The following NFILZ variants were observed in gnomAD, a reference collection of about 807,000 sequenced individuals.
NFILZ encodes NFIL3 like basic leucine zipper, also known as NFIL3 like protein.
chr19:8,646,427 G>T lies in NFILZ; in HGVS notation c.-164+10681G>T, dbSNP rs1189898260. ...CAATTTGTCCAAGGCCACACAGCTG[G>T]CGTGGCCAGAACCAGGATTCCTGGA... On this transcript the variant is annotated intron_variant, in intron 3 of 5. Coordinates refer to ENST00000691075, the MANE Select transcript of NFILZ (RefSeq NM_001378600.1). 2.0e-5 allele frequency among the ~76,000 whole-genome samples: 3 copies of T among 152,190 alleles called. No individual in the cohort carries two copies. In the South Asian group the frequency reaches 6.2e-4, roughly 32 times the overall value.
chr19:8,663,722 T>TGCA (rs2043044422), intron 3 of NFILZ, among the ~76,000 whole-genome samples: 7 of 10,814 alleles, frequency 6.5e-4, no homozygotes, highest in South Asian at 6.6e-3. Context: ...GTGTGTGTGT[T>TGCA]TGTGTGTGTG....
intron 3 of NFILZ, among the ~76,000 whole-genome samples, chr19:8,654,839 C>G (rs1315382129): frequency 6.6e-6 from 1 of 152,170 alleles, no homozygotes; most frequent in Non-Finnish European, 1.5e-5. Flanking sequence ...CTTTTCCAAT[C>G]TGCAGCGTGG....
rs539750800 is a variant in NFILZ at position 8,631,134 on chromosome 19, G to A, written c.-411+390G>A. On this transcript the variant is annotated intron_variant, in intron 1 of 5. Coordinates refer to ENST00000691075, the MANE Select transcript of NFILZ (RefSeq NM_001378600.1). ...CATTTTGGGGTACCAGGGGTTTCTG[G>A]AAGGGATACAGGAATCATTGCTTTA... Among the ~76,000 whole-genome samples, 28 of 152,266 alleles carry A rather than the reference G, an allele frequency of 1.8e-4. 2 individuals carry two copies. The South Asian group carries it at 5.8e-3, about 32-fold the overall frequency.
At chr19:8,674,092 G>A (rs555862843) in intron 3 of NFILZ, among the ~76,000 whole-genome samples, 3 of 152,152 alleles carry the variant, frequency 2.0e-5, no homozygotes, top group Admixed American at 1.3e-4. Flanking sequence ...CGCCTGCCTC[G>A]GCCTCCAAAA....
In NFILZ at chr19:8,679,262, C is replaced by A. The variant is rs555823706; in HGVS notation, c.*1627C>A. 7.3e-6 allele frequency among the ~76,000 whole-genome samples: 1 copy of A among 136,226 alleles called. No homozygotes were observed. The highest frequency in any genetic ancestry group is 1.5e-5 in the Non-Finnish European group (1 of 64,732). 89.4% of individuals were successfully genotyped at this position (136,226 alleles called of 152,430 possible). A position where few individuals can be genotyped will look rare whatever the true frequency, so the allele number is the denominator to read the frequency against. On this transcript the variant is annotated 3_prime_UTR_variant, in exon 6 of 6. Coordinates refer to ENST00000691075, the MANE Select transcript of NFILZ (RefSeq NM_001378600.1). ...CTCCTCCTCAGTTTCTCACTCAGCC[C>A]CTCTCCCATTATTATTATTATTATT...
At chr19:8,634,636 G>A (rs1022102130) in intron 2 of NFILZ, among the ~76,000 whole-genome samples, 9 of 152,166 alleles carry the variant, frequency 5.9e-5, no homozygotes, top group Non-Finnish European at 1.2e-4. Flanking sequence ...AGCACTTTGG[G>A]AGGCTGAGGC....
In NFILZ at chr19:8,679,120, C is replaced by G. The variant is rs2164983; in HGVS notation, c.*1485C>G. Among the ~76,000 whole-genome samples, 2 of 151,802 alleles carry G rather than the reference C, an allele frequency of 1.3e-5. No individual in the cohort carries two copies. The highest frequency in any genetic ancestry group is 4.2e-4 in the South Asian group (2 of 4,816). On this transcript the variant is annotated 3_prime_UTR_variant, in exon 6 of 6. Transcript: ENST00000691075. ...CTGTGTGAGGGCATCAGTGTCCTCTCTCTCCCTGGCTGCCCCCTGCCCCTG... is the reference window on the plus strand; with the variant it reads ...CTGTGTGAGGGCATCAGTGTCCTCTGTCTCCCTGGCTGCCCCCTGCCCCTG...
chr19:8,664,982 G>A (rs1555749615), intron 3 of NFILZ, among the ~76,000 whole-genome samples: 1 of 152,066 alleles, frequency 6.6e-6, no homozygotes, highest in Non-Finnish European at 1.5e-5. Context: ...GTTCAAAACT[G>A]CACCTTCATC....
chr19:8,663,740 G>GCA (rs2043045954), intron 3 of NFILZ, among the ~76,000 whole-genome samples: 1 of 131,738 alleles, frequency 7.6e-6, no homozygotes, highest in Non-Finnish European at 1.6e-5. Flanking sequence ...GTGTGTGTGT[G>GCA]TGTGTGTGTG....
intron 3 of NFILZ, among the ~76,000 whole-genome samples, chr19:8,671,834 C>G (rs1568424982): frequency 1.3e-5 from 2 of 152,204 alleles, no homozygotes; most frequent in Non-Finnish European, 2.9e-5. Flanking sequence ...GATGTCCCCC[C>G]AAGACAGGGC....
chr19:8,643,422 A>T (rs2967718), intron 3 of NFILZ, among the ~76,000 whole-genome samples: 18,780 of 152,212 alleles, frequency 0.12, 1,627 homozygotes, highest in East Asian at 0.43. Flanking sequence ...CTGGGCCATA[A>T]GACACCCAGA....
intron 3 of NFILZ, among the ~76,000 whole-genome samples, chr19:8,640,216 C>G (rs1486567664): frequency 6.6e-6 from 1 of 152,082 alleles, no homozygotes; most frequent in Non-Finnish European, 1.5e-5. Context: ...TGATTTTCCC[C>G]CAGATCACTC....
intron 3 of NFILZ, among the ~76,000 whole-genome samples, chr19:8,666,155 T>C (rs1555749757): frequency 1.3e-5 from 2 of 152,086 alleles, no homozygotes; most frequent in African/African-American, 4.8e-5. Context: ...AAAAGAGGGT[T>C]GGCAAACCAC....
intron 3 of NFILZ, among the ~76,000 whole-genome samples, chr19:8,654,848 G>A (rs115303557): frequency 0.013 from 1,958 of 152,194 alleles, 45 homozygotes; most frequent in African/African-American, 0.045. Context: ...TCTGCAGCGT[G>A]GCTCGGCCTC....
At chr19:8,637,612 C>CA (rs35527793) in intron 3 of NFILZ, among the ~76,000 whole-genome samples, 28,631 of 142,462 alleles carry the variant, frequency 0.2, 2,891 homozygotes, top group Middle Eastern at 0.35. Flanking sequence ...GACTCCATCT[C>CA]AAAAAAAAAA....
chr19:8,651,058 A>G (rs1256376727), intron 3 of NFILZ, among the ~76,000 whole-genome samples: 1 of 152,198 alleles, frequency 6.6e-6, no homozygotes, highest in Non-Finnish European at 1.5e-5. Context: ...AAAACATACA[A>G]TGTGTCCTGA....
At position 8,677,438 on chromosome 19, in the gene NFILZ, C is replaced by T. The variant is rs2918299; in HGVS notation, c.673C>T (p.Arg225Trp). 25,434 of 152,522 alleles carry T rather than the reference C, an allele frequency of 0.17. 2,254 individuals carry two copies. The highest frequency in any genetic ancestry group is 0.23 in the Admixed American group (3,502 of 15,304). The allele number at this position is 152,522 out of a possible 1,614,324, so 9.4% of individuals were successfully genotyped here. ...GTGGTCACCAGTGCCCTCTGGATGC[C>T]GGGCTTCAGGGCCATCAGATGTGTT... The part of the protein sequence containing the change: ...GLWSPVPSGC[R>W]ASGPSDVLLT... The change falls in exon 6 of 6, where the codon CGG (arginine) becomes TGG (tryptophan). Residue 225 changes from arginine (R) to tryptophan (W), a missense_variant. Physicochemically the swap from Arg to Trp is moderately radical, Grantham distance 101. Transcript: ENST00000691075.
At chr19:8,653,420 T>G (rs1249027055) in intron 3 of NFILZ, among the ~76,000 whole-genome samples, 2 of 152,130 alleles carry the variant, frequency 1.3e-5, no homozygotes, top group Non-Finnish European at 2.9e-5. Flanking sequence ...TCATGATTAT[T>G]GCTGAAGATG....
chr19:8,631,471 T>A (rs2042868962), intron 1 of NFILZ, among the ~76,000 whole-genome samples: 1 of 151,998 alleles, frequency 6.6e-6, no homozygotes, highest in African/African-American at 2.4e-5. Context: ...TCCCTTGATC[T>A]CTGGGGGGTC....
Sources: gnomAD v4.1 joint callset for allele counts (sites outside exome capture counted in the v4.1 genomes callset) on GRCh38, gnomAD v4.1.1 for gene constraint, MANE v1.5 for transcripts, NCBI Gene and HGNC (gene_info 2026-07-23, HGNC 2026-07-21) for gene names.